The following CES5A variants were observed in gnomAD, a reference collection of about 807,000 sequenced individuals.
CES5A encodes the protein carboxylesterase 5.
Under a neutral mutation model 62.9 loss-of-function variants are expected in CES5A, and 67 were observed. That is an observed-to-expected ratio of 1.07 (90% CI 0.88 to 1.31). The LOEUF is 1.31. CES5A is among the 50% of genes most tolerant of loss of function. The pLI is 0.00. For synonymous variants in CES5A, 296 were observed against 280.8 expected, an observed-to-expected ratio of 1.05 and a Z score of -0.54; for missense variants, 748 against 708.5, an observed-to-expected ratio of 1.06 and a Z score of -0.63.
At position 55,955,962 on chromosome 16, in the gene CES5A, A is replaced by G. The variant is rs1350661205; in HGVS notation, c.-77T>C. 25 of 1,419,958 alleles carry G rather than the reference A, an allele frequency of 1.8e-5. 1 individual carries two copies. The East Asian group carries it at 5.9e-4, about 34-fold the overall frequency. The allele number at this position is 1,419,958 out of a possible 1,614,324, so 88.0% of individuals were successfully genotyped here. On this transcript the variant is annotated 5_prime_UTR_variant, in exon 1 of 14. Transcript: ENST00000521992. ...ACACAGAGCCCCAGTCCTCTTGCAC[A>G]TCATGTACATGGTACAGCTGATAAA...
chr16:55,939,119 G>A (rs1230738949), intron 2 of CES5A, among the ~76,000 whole-genome samples: 1 of 151,970 alleles, frequency 6.6e-6, no homozygotes, highest in African/African-American at 2.4e-5. Context: ...CTCTTCTCAA[G>A]CTGTAACAAG....
In CES5A at chr16:55,850,395, C is replaced by T. The variant is rs1454386602; in HGVS notation, c.1274-622G>A. Among the ~76,000 whole-genome samples, 5 of 152,336 alleles carry T rather than the reference C, an allele frequency of 3.3e-5. No individual in the cohort carries two copies. In the South Asian group the frequency reaches 6.2e-4, roughly 19 times the overall value. On this transcript the variant is annotated intron_variant, in intron 10 of 12. Coordinates refer to ENST00000290567, the MANE Select transcript of CES5A (RefSeq NM_001143685.2). ...GACACTCCCCATTGGCCCCACTTCT[C>T]AGCTTCTGGAAAACACAATTCTACT...
rs941280549 is a variant in CES5A at position 55,953,131 on chromosome 16, C to A, written c.42+2713G>T. 9.8e-5 allele frequency among the ~76,000 whole-genome samples: 15 copies of A among 152,294 alleles called. No individual in the cohort carries two copies. The South Asian group carries it at 3.1e-3, about 32-fold the overall frequency. Reference sequence around the variant, plus strand: ...AAATCATCTCAATAGATACTGTCAACTGATGCTAAAATTTAATGTAATTTA... The same window carrying A: ...AAATCATCTCAATAGATACTGTCAAATGATGCTAAAATTTAATGTAATTTA... On this transcript the variant is annotated intron_variant, in intron 1 of 13. Transcript: ENST00000521992.
At chr16:55,903,085 T>C (rs1423506257) in intron 1 of CES5A, among the ~76,000 whole-genome samples, 2 of 152,062 alleles carry the variant, frequency 1.3e-5, no homozygotes, top group Non-Finnish European at 2.9e-5. Flanking sequence ...TCCTTTTGGT[T>C]ACAGAGTTCT....
At chr16:55,900,402 T>C (rs547513136) in intron 1 of CES5A, among the ~76,000 whole-genome samples, 3 of 152,226 alleles carry the variant, frequency 2.0e-5, no homozygotes, top group South Asian at 4.1e-4. Flanking sequence ...AGAAGAGGCA[T>C]GTGAGGAGTA....
chr16:55,899,111 C>A (rs1196217578), intron 1 of CES5A, among the ~76,000 whole-genome samples: 1 of 152,164 alleles, frequency 6.6e-6, no homozygotes, highest in Non-Finnish European at 1.5e-5. Context: ...AAGCATGCAC[C>A]TGGCCTACCT....
At chr16:55,879,716 A>G (rs1489769453), upstream of CES5A, among the ~76,000 whole-genome samples, 5 of 152,086 alleles carry the variant, frequency 3.3e-5, no homozygotes, top group African/African-American at 9.7e-5. Context: ...TCAGTCTCCC[A>G]AGTAGCTAGG....
chr16:55,906,686 G>A (rs564756028), intron 1 of CES5A, among the ~76,000 whole-genome samples: 121 of 152,348 alleles, frequency 7.9e-4, no homozygotes, highest in Non-Finnish European at 1.4e-3. Flanking sequence ...CAAGAGAGGG[G>A]CTTCCCAGGG....
chr16:55,871,573 C>T (rs1444841575), intron 3 of CES5A, 52 bp downstream of exon 3: 1 of 1,604,148 alleles, frequency 6.2e-7, no homozygotes, highest in African/African-American at 1.3e-5. Flanking sequence ...GCCTGGATCC[C>T]AGGCCAAGGT....
chr16:55,849,731 G>A lies in CES5A; in HGVS notation c.1316C>T (p.Pro439Leu). The change falls in exon 11 of 13, where the codon CCT becomes CTT. Residue 439 changes from proline (P) to leucine (L), a missense_variant. Pro to Leu is a moderately conservative substitution (Grantham distance 98, BLOSUM62 -3). Transcript: ENST00000290567. ...PVYFYEFRHR[P>L]QCFEDTKPAF... The stretch of plus-strand genomic sequence containing the variant: ...TGGCTTCGTGTCTTCAAAGCACTGA[G>A]GCCGGTGCCGAAACTCATAGAAGTA... 1 of 1,614,006 alleles carries A rather than the reference G, an allele frequency of 6.2e-7. No individual in the cohort carries two copies. Among genetic ancestry groups the A allele is most frequent in the Admixed American group, 1.7e-5 (1 of 60,026 alleles).
chr16:55,860,109 T>A (rs1239571103), intron 7 of CES5A, among the ~76,000 whole-genome samples: 2 of 152,062 alleles, frequency 1.3e-5, no homozygotes, highest in Non-Finnish European at 2.9e-5. Flanking sequence ...TGAATAAATC[T>A]CATGAGATCT....
At chr16:55,858,642 G>A (rs779544690) in intron 8 of CES5A, among the ~76,000 whole-genome samples, 9 of 152,206 alleles carry the variant, frequency 5.9e-5, no homozygotes. Flanking sequence ...GTTCTAGACA[G>A]CCAACAACTA....
chr16:55,926,602 C>T (rs1475493510), upstream of CES5A, among the ~76,000 whole-genome samples: 1 of 152,020 alleles, frequency 6.6e-6, no homozygotes, highest in Non-Finnish European at 1.5e-5. Context: ...AAGGTGAATG[C>T]CTAATGGTTT....
chr16:55,866,155 A>G (rs1401071365), intron 4 of CES5A, 39 bp from the exon 5 acceptor site: 8 of 1,587,340 alleles, frequency 5.0e-6, no homozygotes, highest in East Asian at 4.5e-5. Flanking sequence ...TTGGTCAGCC[A>G]TGGTGTGTTT....
intron 1 of CES5A, among the ~76,000 whole-genome samples, chr16:55,904,036 T>C (rs1208348150): frequency 6.6e-6 from 1 of 152,218 alleles, no homozygotes; most frequent in Non-Finnish European, 1.5e-5. Flanking sequence ...TAGAAAACCG[T>C]ATACTCACAG....
intron 2 of CES5A, among the ~76,000 whole-genome samples, chr16:55,940,961 A>T (rs536698293): frequency 6.6e-6 from 1 of 152,072 alleles, no homozygotes; most frequent in Admixed American, 6.5e-5. Context: ...CATGATAAAA[A>T]AAAAACCTCT....
chr16:55,852,076 A>T (rs149844967), intron 10 of CES5A, among the ~76,000 whole-genome samples: 386 of 152,326 alleles, frequency 2.5e-3, no homozygotes, highest in South Asian at 0.023. Flanking sequence ...TATTTTTAAT[A>T]GGTACTGATT....
rs186018535 is a variant in CES5A, at chr16:55,889,404, G to T, written c.-255-15367C>A. 2.1e-3 allele frequency among the ~76,000 whole-genome samples: 321 copies of T among 152,260 alleles called. 1 individual carries two copies. Among genetic ancestry groups the T allele is most frequent in the Admixed American group, 3.6e-3 (55 of 15,282 alleles). On this transcript the variant is annotated intron_variant, in intron 1 of 12. Coordinates refer to the CES5A transcript ENST00000518005. ...TTGTGACTCTTACCAGCTATAAATT[G>T]GGATTCCCATGACCCCTCCTTAGAT...
chr16:55,944,707 G>A (rs1268442826), intron 2 of CES5A, among the ~76,000 whole-genome samples: 1 of 152,146 alleles, frequency 6.6e-6, no homozygotes, highest in Non-Finnish European at 1.5e-5. Flanking sequence ...CCCAGGGATT[G>A]GTCCTGCAGG....
Sources: allele counts gnomAD v4.1 joint callset (sites outside exome capture counted in the v4.1 genomes callset), GRCh38; gene constraint gnomAD v4.1.1; transcripts MANE v1.5; gene names NCBI Gene and HGNC (gene_info 2026-07-23, HGNC 2026-07-21).